Variants in CHRM3 observed in about 807,000 individuals in gnomAD.
CHRM3 encodes muscarinic acetylcholine receptor M3.
A neutral mutation model predicts 41.8 loss-of-function variants in CHRM3; 11 were observed. The observed-to-expected ratio is 0.26, with a 90% CI of 0.17 to 0.44. The LOEUF (loss-of-function observed/expected upper bound fraction) is 0.44, where lower values mean the gene tolerates loss of function less well. Among genes scored for constraint, CHRM3 ranks in the 20% least tolerant of loss-of-function variants. CHRM3 has a pLI of 1.00. For missense variants in CHRM3, 571 were observed against 745.4 expected (o/e 0.77, Z 2.72); for synonymous variants, 297 against 301.4 (o/e 0.99, Z 0.15).
rs377492969 is a variant in CHRM3, at chr1:239,576,181, T to A, written c.-313+30432T>A. On this transcript the variant is annotated intron_variant, in intron 3 of 6. Transcript: ENST00000676153. ...TTTTAAGGTTGAATAACGTCCATTG[T>A]ATATGGATACCACATTTTGTTTATC... Among the ~76,000 whole-genome samples the A allele has an allele frequency of 1.8e-4, 28 of 152,282 alleles. No individual in the cohort carries two copies. The East Asian group carries it at 4.8e-3, about 26-fold the overall frequency.
At chr1:239,484,013 G>T (rs184186911) in intron 1 of CHRM3, among the ~76,000 whole-genome samples, 149 of 152,290 alleles carry the variant, frequency 9.8e-4, no homozygotes, top group African/African-American at 3.5e-3. Flanking sequence ...CGAAGTAAGT[G>T]TGTAGTCTTT....
chr1:239,769,608 T>C (rs1667494745), intron 5 of CHRM3, among the ~76,000 whole-genome samples: 1 of 152,056 alleles, frequency 6.6e-6, no homozygotes, highest in Admixed American at 6.6e-5. Flanking sequence ...GGTTTAGAAT[T>C]ATTTGTGTGG....
At chr1:239,608,862 T>C (rs1392141384) in intron 3 of CHRM3, among the ~76,000 whole-genome samples, 1 of 152,184 alleles carries the variant, frequency 6.6e-6, no homozygotes, top group Non-Finnish European at 1.5e-5. Context: ...TCTCAAATCA[T>C]TTTTGGTACA....
chr1:239,531,704 G>T (rs1670428513), intron 2 of CHRM3, among the ~76,000 whole-genome samples: 1 of 120,366 alleles, frequency 8.3e-6, no homozygotes, highest in Non-Finnish European at 1.6e-5. Flanking sequence ...CTGTCGCCCA[G>T]GCTGGAGTGC....
At chr1:239,486,203 ATGCCCTCT>A (rs2148031542) in intron 1 of CHRM3, among the ~76,000 whole-genome samples, 1 of 152,338 alleles carries the variant, frequency 6.6e-6, no homozygotes, top group African/African-American at 2.4e-5. Context: ...TATATTGATC[ATGCCCTCT>A]AGCAATATCT....
At chr1:239,510,955 A>C (rs954859136) in intron 2 of CHRM3, among the ~76,000 whole-genome samples, 1 of 152,220 alleles carries the variant, frequency 6.6e-6, no homozygotes, top group East Asian at 1.9e-4. Flanking sequence ...AAGATAGAAT[A>C]GTCTAAAAGA....
intron 1 of CHRM3, among the ~76,000 whole-genome samples, chr1:239,461,321 A>G (rs1665343624): frequency 6.6e-6 from 1 of 152,166 alleles, no homozygotes; most frequent in Non-Finnish European, 1.5e-5. Context: ...TCCTTCTGAG[A>G]GTAGATATCA....
rs376899980 is a variant in CHRM3, at chr1:239,591,235, C to A, written c.-312-40989C>A. Among the ~76,000 whole-genome samples the A allele has an allele frequency of 5.3e-5, 8 of 152,204 alleles. No individual in the cohort carries two copies. The East Asian group carries it at 1.5e-3, about 29-fold the overall frequency. On this transcript the variant is annotated intron_variant, in intron 3 of 6. Coordinates refer to ENST00000676153, the MANE Select transcript of CHRM3 (RefSeq NM_001375978.1). ...TCCGCCTCTATAAAATTGCGCTGGT[C>A]TCCCTTCCTTCCTTGGGTCAAGCTT...
intron 1 of CHRM3, among the ~76,000 whole-genome samples, chr1:239,401,426 T>A (rs1659962769): frequency 1.3e-5 from 2 of 152,304 alleles, no homozygotes; most frequent in South Asian, 4.1e-4. Context: ...TTCTTACCCT[T>A]GCAACTTTTC....
intron 5 of CHRM3, among the ~76,000 whole-genome samples, chr1:239,806,675 G>A (rs1572355279): frequency 6.6e-6 from 1 of 152,164 alleles, no homozygotes; most frequent in Non-Finnish European, 1.5e-5. Context: ...TTTGAGAAAC[G>A]CACATATTGT....
chr1:239,431,643 G>A (rs1354129975), intron 1 of CHRM3, among the ~76,000 whole-genome samples: 1 of 152,132 alleles, frequency 6.6e-6, no homozygotes, highest in Non-Finnish European at 1.5e-5. Context: ...TTAACATTTT[G>A]AGTGTGCAAA....
At chr1:239,586,601 G>C (rs1158354345) in intron 3 of CHRM3, among the ~76,000 whole-genome samples, 4 of 152,056 alleles carry the variant, frequency 2.6e-5, no homozygotes, top group Admixed American at 2.6e-4. Context: ...GTACTCAGCT[G>C]TTCTTTTAGA....
chr1:239,632,994 A>T (rs563288473), intron 4 of CHRM3, among the ~76,000 whole-genome samples: 17 of 152,320 alleles, frequency 1.1e-4, no homozygotes, highest in African/African-American at 4.1e-4. Flanking sequence ...TGTTTTTGAG[A>T]CGGAGTCTCG....
chr1:239,736,848 T>A (rs1415287424), intron 5 of CHRM3, among the ~76,000 whole-genome samples: 1 of 152,176 alleles, frequency 6.6e-6, no homozygotes, highest in Non-Finnish European at 1.5e-5. Context: ...CTTAAAATAT[T>A]CACTTAAAAT....
At chr1:239,636,018 G>A (rs971901869) in intron 4 of CHRM3, among the ~76,000 whole-genome samples, 1 of 152,112 alleles carries the variant, frequency 6.6e-6, no homozygotes, top group Non-Finnish European at 1.5e-5. Context: ...GACAGACAGT[G>A]GTATAAATAG....
At chr1:239,677,954 C>T (rs1469954287) in intron 4 of CHRM3, among the ~76,000 whole-genome samples, 1 of 152,202 alleles carries the variant, frequency 6.6e-6, no homozygotes, top group Non-Finnish European at 1.5e-5. Flanking sequence ...GTTACAGCAT[C>T]TCATTGTTTC....
intron 1 of CHRM3, among the ~76,000 whole-genome samples, chr1:239,416,779 G>A (rs1194727954): frequency 6.6e-6 from 1 of 152,174 alleles, no homozygotes; most frequent in Non-Finnish European, 1.5e-5. Context: ...TGGAAGCCCA[G>A]ATGCCTGCCA....
intron 5 of CHRM3, among the ~76,000 whole-genome samples, chr1:239,690,679 C>T (rs895029129): frequency 3.3e-5 from 5 of 151,932 alleles, no homozygotes; most frequent in African/African-American, 1.2e-4. Flanking sequence ...TCAAAATTTA[C>T]CCCTTATATG....
At chr1:239,878,243 A>C (rs940637590) in intron 6 of CHRM3, among the ~76,000 whole-genome samples, 5 of 152,118 alleles carry the variant, frequency 3.3e-5, no homozygotes, top group African/African-American at 1.2e-4. Flanking sequence ...CCCTGGGCTT[A>C]TTTTCCTGCC....
Sources: allele counts gnomAD v4.1 joint callset (sites outside exome capture counted in the v4.1 genomes callset), GRCh38; gene constraint gnomAD v4.1.1; transcripts MANE v1.5; gene names NCBI Gene and HGNC (gene_info 2026-07-23, HGNC 2026-07-21).